The following NECTIN3 variants were observed in gnomAD, a reference collection of about 807,000 sequenced individuals.
The protein encoded by NECTIN3 is nectin-3.
In NECTIN3, 8 loss-of-function variants were observed where a neutral mutation model predicts 49.4. The ratio of observed to expected loss-of-function variants is 0.16; its 90% confidence interval spans 0.10 to 0.29. The LOEUF (loss-of-function observed/expected upper bound fraction) is 0.29. Ranked by LOEUF, NECTIN3 falls within the 10% of genes least tolerant of loss-of-function variation. The pLI is 1.00. For synonymous variants in NECTIN3, 277 were observed against 241.1 expected (o/e 1.15, Z -1.38); for missense variants, 581 against 654.6 (o/e 0.89, Z 1.23).
At position 111,134,388 on chromosome 3, in the gene NECTIN3, C is replaced by T. The variant is rs1018091705; in HGVS notation, c.*173C>T. ...AATGTAAAATCTGAGTTCAGTGTAT[C>T]TAAGCTGCTTTACAATTTTTTTTCA... On this transcript the variant is annotated 3_prime_UTR_variant, in exon 6 of 6. Transcript: ENST00000485303. 1.6e-5 allele frequency: 22 copies of T among 1,355,968 alleles called. No homozygotes were observed. The highest frequency in any genetic ancestry group is 2.1e-5 in the Non-Finnish European group (22 of 1,057,466). The allele number at this position is 1,355,968 out of a possible 1,614,324, so 84.0% of individuals were successfully genotyped here.
rs113257405 is a variant in NECTIN3, at chr3:111,100,193, T to C, written c.161-11837T>C. 3.2e-3 allele frequency among the ~76,000 whole-genome samples: 488 copies of C among 152,264 alleles called. 4 individuals carry two copies. Among genetic ancestry groups the C allele is most frequent in the African/African-American group, 0.011 (460 of 41,582 alleles). ...GAGATTTTTGGATTATTAATGAATGTTGACATGTGGGTATACAAATTTTTA... is the reference window on the plus strand; with the variant it reads ...GAGATTTTTGGATTATTAATGAATGCTGACATGTGGGTATACAAATTTTTA... On this transcript the variant is annotated intron_variant, in intron 1 of 5. Transcript: ENST00000485303.
Position 111,072,159 on chromosome 3 carries a change from C to G in NECTIN3, c.142C>G (p.Leu48Val). ...GCTGCTGCTGCTCTTCCCGCTGCTG[C>G]TCTTCTCCAGGCTCTGTGGTAGGTG... The part of the protein sequence containing the change: ...PLLLLLFPLL[L>V]FSRLCGALAG... Residue 48 changes from leucine to valine, a missense_variant, in exon 1 of 6, where the codon CTC (leucine) becomes GTC (valine). By Grantham distance (32) the Leu-to-Val change is conservative (BLOSUM62 1). This residue lies in a region of NECTIN3 where 109 missense variants were observed against 69.1 expected (regional missense o/e 1.58). Transcript: ENST00000485303. 1 of 1,555,060 alleles carries G rather than the reference C, an allele frequency of 6.4e-7. No individual in the cohort carries two copies. The highest frequency in any genetic ancestry group is 2.4e-5 in the East Asian group (1 of 41,398).
chr3:111,146,601 T>C (rs955182185), intron 6 of NECTIN3, among the ~76,000 whole-genome samples: 4 of 152,194 alleles, frequency 2.6e-5, no homozygotes, highest in Non-Finnish European at 5.9e-5. Context: ...TTTATGCTCA[T>C]TGAGACATTA....
intron 1 of NECTIN3, among the ~76,000 whole-genome samples, chr3:111,085,540 G>A (rs1410727400): frequency 6.6e-6 from 1 of 152,118 alleles, no homozygotes; most frequent in South Asian, 2.1e-4. Context: ...ACATTACCAG[G>A]CTCCAGAAGT....
intron 1 of NECTIN3, among the ~76,000 whole-genome samples, chr3:111,103,536 C>T (rs2033024022): frequency 6.6e-6 from 1 of 150,944 alleles, no homozygotes; most frequent in African/African-American, 2.4e-5. Context: ...TCATCACCCA[C>T]AATGACTAAA....
At chr3:111,166,998 C>A (rs1365698251) in intron 7 of NECTIN3, among the ~76,000 whole-genome samples, 1 of 152,004 alleles carries the variant, frequency 6.6e-6, no homozygotes, top group Non-Finnish European at 1.5e-5. Context: ...CCCATTTGAG[C>A]TAAGTGATTT....
At position 111,192,504 on chromosome 3, in the gene NECTIN3, T is replaced by G. The variant is rs182456286; in HGVS notation, c.63+91T>G. 677 of 1,235,966 alleles carry G rather than the reference T, an allele frequency of 5.5e-4. 1 individual carries two copies. In the African/African-American group the frequency reaches 8.6e-3, roughly 16 times the overall value. 76.6% of individuals were successfully genotyped at this position (1,235,966 alleles called of 1,614,324 possible). On this transcript the variant is annotated intron_variant, in intron 1 of 1. Transcript: ENST00000485506. ...CATTTAATTGTATACAAGTTCATTT[T>G]ATTCATCTTTCCCCTATTTGAGTGT...
At chr3:111,117,647 C>G (rs1438525263) in intron 2 of NECTIN3, among the ~76,000 whole-genome samples, 1 of 151,354 alleles carries the variant, frequency 6.6e-6, no homozygotes, top group Non-Finnish European at 1.5e-5. Flanking sequence ...TTGGTTCTTT[C>G]AATACCATCA....
chr3:111,183,657 T>A (rs2035668461), intron 7 of NECTIN3, among the ~76,000 whole-genome samples: 1 of 152,148 alleles, frequency 6.6e-6, no homozygotes, highest in South Asian at 2.1e-4. Flanking sequence ...AGTTTTTTTT[T>A]TCATTTAGCA....
intron 5 of NECTIN3, among the ~76,000 whole-genome samples, chr3:111,143,885 A>G (rs1174438969): frequency 6.6e-6 from 1 of 152,018 alleles, no homozygotes; most frequent in South Asian, 2.1e-4. Flanking sequence ...CAATATCTTT[A>G]TTTATAGAAT....
At chr3:111,075,601 A>G (rs964200202) in intron 1 of NECTIN3, among the ~76,000 whole-genome samples, 6 of 152,134 alleles carry the variant, frequency 3.9e-5, no homozygotes, top group African/African-American at 1.2e-4. Context: ...TAAATTCTAC[A>G]CCAATGTGCT....
At chr3:111,190,869 TA>T (rs1325881650), upstream of NECTIN3, among the ~76,000 whole-genome samples, 2 of 152,152 alleles carry the variant, frequency 1.3e-5, no homozygotes, top group African/African-American at 2.4e-5. Flanking sequence ...ATGTGTGCTA[TA>T]ATAGAGATAA....
chr3:111,146,362 A>T (rs1369063088), intron 6 of NECTIN3, among the ~76,000 whole-genome samples: 1 of 145,536 alleles, frequency 6.9e-6, no homozygotes, highest in African/African-American at 2.6e-5. Flanking sequence ...TGAACCCGGG[A>T]GGCGGAGCTT....
At chr3:111,155,817 T>C (rs776740414) in intron 7 of NECTIN3, among the ~76,000 whole-genome samples, 1 of 152,150 alleles carries the variant, frequency 6.6e-6, no homozygotes, top group Non-Finnish European at 1.5e-5. Flanking sequence ...CCAAGGTAGG[T>C]ATCTTCATAT....
intron 1 of NECTIN3, among the ~76,000 whole-genome samples, chr3:111,087,256 A>G (rs2031985272): frequency 6.6e-6 from 1 of 152,184 alleles, no homozygotes; most frequent in Non-Finnish European, 1.5e-5. Context: ...CCAGTGTGAT[A>G]TTAAAGTGGT....
At chr3:111,131,850 C>G (rs2034405582) in intron 5 of NECTIN3, among the ~76,000 whole-genome samples, 2 of 151,746 alleles carry the variant, frequency 1.3e-5, no homozygotes, top group Admixed American at 6.6e-5. Context: ...CTTTAAAACT[C>G]TACTGGCAGA....
intron 7 of NECTIN3, among the ~76,000 whole-genome samples, chr3:111,172,545 A>G (rs2035453794): frequency 6.6e-6 from 1 of 152,162 alleles, no homozygotes; most frequent in African/African-American, 2.4e-5. Flanking sequence ...CCTTACTTAA[A>G]TGTAAGATGG....
At chr3:111,127,593 G>A (rs923792514) in intron 5 of NECTIN3, among the ~76,000 whole-genome samples, 2 of 150,316 alleles carry the variant, frequency 1.3e-5, no homozygotes, top group African/African-American at 4.9e-5. Flanking sequence ...ACGTGGTCTC[G>A]CTGTGTCACC....
chr3:111,187,844 G>C (rs1465414628), upstream of NECTIN3, among the ~76,000 whole-genome samples: 1 of 152,178 alleles, frequency 6.6e-6, no homozygotes, highest in Non-Finnish European at 1.5e-5. Context: ...AAATTATTCT[G>C]TGTGATACTA....
Sources: allele counts gnomAD v4.1 joint callset (sites outside exome capture counted in the v4.1 genomes callset), GRCh38; gene constraint gnomAD v4.1.1; regional missense constraint gnomAD v4.1.1; transcripts MANE v1.5; gene names NCBI Gene and HGNC (gene_info 2026-07-23, HGNC 2026-07-21).